WDPCP: variants seen among roughly 807,000 people sequenced by gnomAD.
WDPCP encodes the protein WD repeat-containing and planar cell polarity effector protein fritz homolog.
A neutral mutation model predicts 93.1 loss-of-function variants in WDPCP; 71 were observed. The observed-to-expected ratio is 0.76, with a 90% CI of 0.63 to 0.93. WDPCP has a LOEUF of 0.93. WDPCP is among the 40% of genes least tolerant of loss of function. WDPCP has a pLI of 0.00. For synonymous variants in WDPCP, 315 were observed against 315.0 expected (o/e 1.00, Z 0.00); for missense variants, 844 against 887.4 (o/e 0.95, Z 0.62).
intron 13 of WDPCP, among the ~76,000 whole-genome samples, chr2:63,285,466 C>A (rs566721693): frequency 8.2e-5 from 12 of 146,678 alleles, no homozygotes; most frequent in African/African-American, 2.5e-4. Flanking sequence ...AAAAATAAAA[C>A]CCCAGAGATT....
In WDPCP at chr2:63,604,550, C is replaced by T; in HGVS notation, n.488+46109G>A. On this transcript the variant is annotated intron_variant and non_coding_transcript_variant, in intron 3 of 4. Coordinates refer to the WDPCP transcript ENST00000467687. ...AGGAAATTGCCAAGCAATAAATTTA[C>T]ATTTTTTACAAGTCAATATAACTCT... The T allele has an allele frequency of 4.5e-6, 3 of 673,676 alleles. No individual in the cohort carries two copies. The South Asian group carries it at 6.1e-5, about 14-fold the overall frequency. 41.7% of individuals were successfully genotyped at this position (673,676 alleles called of 1,614,324 possible).
intron 12 of WDPCP, among the ~76,000 whole-genome samples, chr2:63,315,861 A>T (rs1686595153): frequency 6.6e-6 from 1 of 151,896 alleles, no homozygotes; most frequent in African/African-American, 2.4e-5. Context: ...AAGTACCTCG[A>T]GTGTCTTAGA....
chr2:63,350,043 A>C (rs567471300), intron 12 of WDPCP, among the ~76,000 whole-genome samples: 2 of 152,250 alleles, frequency 1.3e-5, no homozygotes, highest in South Asian at 4.2e-4. Context: ...AACCAACCCA[A>C]ATGTCCATCA....
intron 3 of WDPCP, among the ~76,000 whole-genome samples, chr2:63,644,282 T>C (rs978776251): frequency 8.9e-5 from 13 of 146,800 alleles, no homozygotes; most frequent in African/African-American, 3.3e-4. Context: ...TCTTGCTCTG[T>C]CACCCAGGCT....
chr2:63,263,398 A>T (rs1681821132), intron 13 of WDPCP, among the ~76,000 whole-genome samples: 1 of 152,182 alleles, frequency 6.6e-6, no homozygotes, highest in Non-Finnish European at 1.5e-5. Flanking sequence ...CTGTTATCAC[A>T]GGAGTGGGTT....
In WDPCP at chr2:63,382,087, G is replaced by T; in HGVS notation, c.1443C>A (p.Phe481Leu). The change falls in exon 11 of 18, where the codon TTC becomes TTA. Residue 481 changes from phenylalanine to leucine, a missense_variant. Physicochemically the swap from Phe to Leu is conservative, Grantham distance 22. Transcript: ENST00000272321. The stretch of plus-strand genomic sequence containing the variant: ...CTATCAGGCCCAGCTGTCCTCGAGT[G>T]AAGACGCCTATCACAAAACATGGAA... ...LGVLLFKLGV[F>L]TRGQLGLIDI... 6.2e-7 allele frequency: 1 copy of T among 1,612,650 alleles called. No homozygotes were observed. Among genetic ancestry groups the T allele is most frequent in the South Asian group, 1.1e-5 (1 of 90,950 alleles).
At chr2:63,162,880 T>C (rs1672732899) in intron 15 of WDPCP, among the ~76,000 whole-genome samples, 1 of 152,180 alleles carries the variant, frequency 6.6e-6, no homozygotes, top group Non-Finnish European at 1.5e-5. Context: ...TTATACCTCA[T>C]TTGACTTAGT....
intron 2 of WDPCP, among the ~76,000 whole-genome samples, chr2:63,791,364 T>A (rs185214463): frequency 9.8e-5 from 15 of 152,304 alleles, no homozygotes; most frequent in Non-Finnish European, 1.6e-4. Context: ...TACTTAGTAT[T>A]CCAATTCTTT....
At chr2:63,515,785 C>T (rs1345743273) in intron 1 of WDPCP, among the ~76,000 whole-genome samples, 7 of 152,062 alleles carry the variant, frequency 4.6e-5, no homozygotes, top group Non-Finnish European at 7.4e-5. Context: ...TTCGGGAGGC[C>T]GAGGCAGGCA....
intron 6 of WDPCP, among the ~76,000 whole-genome samples, chr2:63,481,763 G>A (rs1159245033): frequency 1.3e-5 from 2 of 151,766 alleles, no homozygotes; most frequent in East Asian, 3.9e-4. Flanking sequence ...GGGGGTGAGG[G>A]ATAAAAGACT....
At chr2:63,125,497 T>A (rs976882032) in intron 17 of WDPCP, among the ~76,000 whole-genome samples, 3 of 152,202 alleles carry the variant, frequency 2.0e-5, no homozygotes, top group African/African-American at 4.8e-5. Context: ...CTTGCTAGGT[T>A]CTCCATGCTG....
chr2:63,146,225 A>G (rs1249988933), intron 17 of WDPCP, among the ~76,000 whole-genome samples: 4 of 152,148 alleles, frequency 2.6e-5, no homozygotes, highest in South Asian at 2.1e-4. Flanking sequence ...TGCTCTGGCT[A>G]TAACTTCCAA....
intron 2 of WDPCP, among the ~76,000 whole-genome samples, chr2:63,714,030 C>G (rs940629698): frequency 6.6e-6 from 1 of 151,168 alleles, no homozygotes; most frequent in Non-Finnish European, 1.5e-5. Context: ...ATCTTCGCTG[C>G]GAACAACTAT....
intron 3 of WDPCP, among the ~76,000 whole-genome samples, chr2:63,617,179 A>C (rs1437565687): frequency 6.6e-6 from 1 of 152,244 alleles, no homozygotes; most frequent in Non-Finnish European, 1.5e-5. Context: ...AGAGATAATT[A>C]ACCATGTTTT....
intron 2 of WDPCP, among the ~76,000 whole-genome samples, chr2:63,730,959 T>A (rs2103822640): frequency 6.7e-6 from 1 of 150,292 alleles, no homozygotes; most frequent in South Asian, 2.1e-4. Flanking sequence ...AAAAAAAAAA[T>A]ACAAGCACTA....
intron 15 of WDPCP, among the ~76,000 whole-genome samples, chr2:63,161,393 A>G (rs1672632122): frequency 6.6e-6 from 1 of 152,216 alleles, no homozygotes; most frequent in Admixed American, 6.5e-5. Context: ...CCTTCTTGAC[A>G]CAGAAAGGTA....
chr2:63,829,172 T>C (rs1269478750), upstream of WDPCP, among the ~76,000 whole-genome samples: 1 of 152,120 alleles, frequency 6.6e-6, no homozygotes, highest in Non-Finnish European at 1.5e-5. Context: ...AAGTAGGAAA[T>C]ACATTTTACA....
intron 1 of WDPCP, among the ~76,000 whole-genome samples, chr2:63,575,564 T>TGTATAC (rs1558833924): frequency 4.4e-5 from 2 of 45,474 alleles, no homozygotes; most frequent in African/African-American, 5.7e-5. Context: ...ACAGTATATA[T>TGTATAC]ACTATATAAC....
chr2:63,798,806 C>G (rs1172448690), intron 2 of WDPCP, among the ~76,000 whole-genome samples: 1 of 151,950 alleles, frequency 6.6e-6, no homozygotes, highest in Non-Finnish European at 1.5e-5. Flanking sequence ...AAATCAAGAC[C>G]CAGTGATCCG....
Sources: gnomAD v4.1 joint callset for allele counts (sites outside exome capture counted in the v4.1 genomes callset) on GRCh38, gnomAD v4.1.1 for gene constraint, MANE v1.5 for transcripts, NCBI Gene and HGNC (gene_info 2026-07-23, HGNC 2026-07-21) for gene names.